Variants in ARMC5 observed in about 807,000 individuals in gnomAD.
The protein encoded by ARMC5 is armadillo repeat-containing protein 5.
Under a neutral mutation model 60.5 loss-of-function variants are expected in ARMC5, and 28 were observed. That is an observed-to-expected ratio of 0.46 (90% CI 0.34 to 0.63). The LOEUF is 0.63. Ranked by LOEUF, ARMC5 falls within the 30% of genes least tolerant of loss-of-function variation. The pLI is 0.01. For synonymous variants in ARMC5, 680 were observed against 607.3 expected (o/e 1.12, Z -1.76); for missense variants, 1,189 against 1,304.9 (o/e 0.91, Z 1.37).
At position 31,464,505 on chromosome 16, in the gene ARMC5, C is replaced by T. The variant is rs2082332470; in HGVS notation, c.1482C>T (p.Thr494=). ...TGGAGCCGGCCAGCCCCGCCCCGAC[C>T]CCGACCTCGCTGCGGGCACCACGCA... is the stretch of plus-strand genomic sequence containing the variant. The part of the protein sequence containing the change: ...EPMEPASPAP[T]PTSLRAPRTQ... Residue 494 remains threonine (T), a synonymous_variant, in exon 4 of 6, where the codon ACC becomes ACT. Transcript: ENST00000268314. The surrounding 1 kb of genome is among the most constrained non-coding windows in gnomAD (Gnocchi z 7.6). 6.2e-7 allele frequency: 1 copy of T among 1,606,922 alleles called. No individual in the cohort carries two copies. Among genetic ancestry groups the T allele is most frequent in the Non-Finnish European group, 8.5e-7 (1 of 1,177,458 alleles).
upstream of ARMC5, chr16:31,458,793 C>A: frequency 1.3e-6 from 2 of 1,523,084 alleles, no homozygotes; most frequent in South Asian, 1.2e-5. Context: ...CGTCCGGATT[C>A]TCCCTCGCCT....
upstream of ARMC5, chr16:31,458,437 T>A: frequency 1.3e-6 from 2 of 1,535,708 alleles, no homozygotes; most frequent in Non-Finnish European, 1.7e-6. Context: ...TTCACCGGTG[T>A]GTACCCAGTG....
At chr16:31,458,413 CAGG>C (rs1046795588), upstream of ARMC5, 4 of 1,535,614 alleles carry the variant, frequency 2.6e-6, no homozygotes, top group African/African-American at 5.5e-5. Context: ...ACACTCGGGG[CAGG>C]AGTACGGCTT....
upstream of ARMC5, chr16:31,459,249 C>T (rs2082275266): frequency 6.5e-7 from 1 of 1,533,348 alleles, no homozygotes; most frequent in Non-Finnish European, 8.7e-7. Flanking sequence ...GGAAGAGTTT[C>T]CAGCGCTTCC....
rs1455970253 is a variant in ARMC5 at position 31,464,989 on chromosome 16, T to G, written c.1864+102T>G. 1.2e-6 allele frequency: 2 copies of G among 1,610,530 alleles called. No individual in the cohort carries two copies. Among genetic ancestry groups the G allele is most frequent in the Non-Finnish European group, 8.5e-7 (1 of 1,177,674 alleles). ...ACCTCACCTTCCCACTCACCTGTCC[T>G]CCCCAGCCCGTCCTCCAGACAACCT... On this transcript the variant is annotated intron_variant, in intron 4 of 5. Transcript: ENST00000268314. The surrounding 1 kb of genome is among the most constrained non-coding windows in gnomAD (Gnocchi z 7.6).
At chr16:31,461,457 T>C (rs2082302968) in intron 1 of ARMC5, among the ~76,000 whole-genome samples, 1 of 152,194 alleles carries the variant, frequency 6.6e-6, no homozygotes, top group Non-Finnish European at 1.5e-5. Context: ...ACCGTGCTTC[T>C]GGCAAATACC....
At chr16:31,459,375 C>T (rs1235066867), upstream of ARMC5, 28 of 1,536,418 alleles carry the variant, frequency 1.8e-5, no homozygotes, top group Admixed American at 3.9e-5. Flanking sequence ...GACAGACTTC[C>T]GGGGTCGAGA....
chr16:31,465,527 TA>T, intron 4 of ARMC5: 1 of 890,418 alleles, frequency 1.1e-6, no homozygotes, highest in Non-Finnish European at 1.5e-6. Flanking sequence ...CATATATCTC[TA>T]AGATCTATAT....
upstream of ARMC5, chr16:31,459,455 C>G: frequency 1.9e-6 from 3 of 1,551,564 alleles, no homozygotes; most frequent in Non-Finnish European, 2.6e-6. Context: ...CCGACGATTT[C>G]CCTGTCTTCC....
upstream of ARMC5, chr16:31,458,920 C>T (rs1241523743): frequency 2.0e-6 from 3 of 1,535,512 alleles, no homozygotes; most frequent in Non-Finnish European, 2.6e-6. Context: ...GGTCCAGCTC[C>T]GGAAACGGAA....
At chr16:31,459,308 C>T (rs1156732420), upstream of ARMC5, 1 of 1,534,878 alleles carries the variant, frequency 6.5e-7, no homozygotes, top group East Asian at 2.4e-5. Context: ...CCTCATGCAC[C>T]GCCCGCACGT....
upstream of ARMC5, chr16:31,458,718 G>A: frequency 1.4e-6 from 2 of 1,456,598 alleles, no homozygotes; most frequent in Non-Finnish European, 9.0e-7. Flanking sequence ...GAGCCACCTC[G>A]CAATCCAGGG....
chr16:31,464,316 A>AT lies in ARMC5; in HGVS notation c.1371-78_1371-77insT. 7 of 867,314 alleles carry AT rather than the reference A, an allele frequency of 8.1e-6. No individual in the cohort carries two copies. The highest frequency in any genetic ancestry group is 1.1e-5 in the Non-Finnish European group (7 of 616,850). 53.7% of individuals were successfully genotyped at this position (867,314 alleles called of 1,614,324 possible). Reference sequence around the variant, plus strand: ...TTAAAAAAAAAAAAAAAAAAAAAAAAGACGCCTCACGCCTCTTGGACTCTG... The same window carrying AT: ...TTAAAAAAAAAAAAAAAAAAAAAAAATGACGCCTCACGCCTCTTGGACTCTG... On this transcript the variant is annotated intron_variant, in intron 3 of 5. Coordinates refer to ENST00000268314, the MANE Select transcript of ARMC5 (RefSeq NM_001105247.2). The surrounding 1 kb of genome is among the most constrained non-coding windows in gnomAD (Gnocchi z 7.6).
chr16:31,458,850 C>G (rs1213248536), upstream of ARMC5: 12 of 1,534,984 alleles, frequency 7.8e-6, no homozygotes, highest in Non-Finnish European at 1.0e-5. Context: ...TCCCCGTTTC[C>G]TAGATGCCAG....
At chr16:31,465,243 C>T (rs1404903890) in intron 4 of ARMC5, 1 of 1,540,482 alleles carries the variant, frequency 6.5e-7, no homozygotes, top group South Asian at 1.2e-5. Context: ...CCCAGCCTCA[C>T]CATCACCCCC....
At position 31,466,293 on chromosome 16, in the gene ARMC5, C is replaced by A. The variant is rs781736510; in HGVS notation, c.2212C>A (p.Pro738Thr). ...LDSPSPCLYEPLLGPAPVPAP... is the reference protein window; with the variant it reads ...LDSPSPCLYETLLGPAPVPAP... Reference sequence around the variant, plus strand: ...CTCACCTTCCCCTTGCCTCTATGAACCTCTGCTGGGCCCAGCCCCTGTCCC... The same window carrying A: ...CTCACCTTCCCCTTGCCTCTATGAAACTCTGCTGGGCCCAGCCCCTGTCCC... Residue 738 changes from proline (P) to threonine (T), a missense_variant, in exon 6 of 6, where the codon CCT (proline) becomes ACT (threonine). This residue lies in a region of ARMC5 where 862 missense variants were observed against 1,071.2 expected (regional missense o/e 0.80). Transcript: ENST00000268314. The surrounding 1 kb of genome is among the most constrained non-coding windows in gnomAD (Gnocchi z 8.0). The A allele has an allele frequency of 8.7e-6, 14 of 1,613,926 alleles. No homozygotes were observed. The highest frequency in any genetic ancestry group is 1.3e-5 in the African/African-American group (1 of 75,056).
chr16:31,464,803 G>A lies in ARMC5; in HGVS notation c.1780G>A (p.Ala594Thr). Residue 594 changes from alanine to threonine, a missense_variant, in exon 4 of 6, where the codon GCC (alanine) becomes ACC (threonine). This residue lies in a region of ARMC5 where 862 missense variants were observed against 1,071.2 expected (regional missense o/e 0.80). Coordinates refer to ENST00000268314, the MANE Select transcript of ARMC5 (RefSeq NM_001105247.2). This position sits in a 1 kb window ranked among gnomAD's most constrained non-coding sequence, Gnocchi z 7.6. ...VRSYGAALLR[A>T]WLVLGVAPDD... is the part of the protein sequence containing the mutation. ...CAGCTATGGCGCGGCGCTGCTGCGG[G>A]CCTGGCTGGTGCTGGGGGTGGCGCC... 2 of 1,598,156 alleles carry A rather than the reference G, an allele frequency of 1.3e-6. No homozygotes were observed. The highest frequency in any genetic ancestry group is 1.7e-6 in the Non-Finnish European group (2 of 1,178,708).
At chr16:31,458,410 G>C, upstream of ARMC5, 1 of 1,535,734 alleles carries the variant, frequency 6.5e-7, no homozygotes, top group Non-Finnish European at 8.7e-7. Flanking sequence ...GTCACACTCG[G>C]GGCAGGAGTA....
In ARMC5 at chr16:31,467,040, AC is replaced by A. The variant is rs780878527; in HGVS notation, c.*154del. On this transcript the variant is annotated 3_prime_UTR_variant, in exon 6 of 6. Coordinates refer to ENST00000268314, the MANE Select transcript of ARMC5 (RefSeq NM_001105247.2). ...CGGACTCCAAGATGACGATCTAAAG[AC>A]CCGGGAGCGAGAAGCCAAGGCCAGG... 14 of 1,077,994 alleles carry A rather than the reference AC, an allele frequency of 1.3e-5. No homozygotes were observed. In the East Asian group the frequency reaches 4.1e-4, roughly 32 times the overall value. The allele number at this position is 1,077,994 out of a possible 1,614,324, so 66.8% of individuals were successfully genotyped here.
Sources: gnomAD v4.1 joint callset for allele counts (sites outside exome capture counted in the v4.1 genomes callset) on GRCh38, gnomAD v4.1.1 for gene constraint, gnomAD v4.1.1 regional missense constraint, Gnocchi (gnomAD v3.1) non-coding constraint, MANE v1.5 for transcripts, NCBI Gene and HGNC (gene_info 2026-07-23, HGNC 2026-07-21) for gene names.